The following MYO7B variants were observed in gnomAD, a reference collection of about 807,000 sequenced individuals.
The protein encoded by MYO7B is unconventional myosin-VIIb.
MYO7B carries 212 observed loss-of-function variants against 259.7 expected under a neutral mutation model. The observed-to-expected ratio is 0.82, with a 90% CI of 0.73 to 0.91. MYO7B has a LOEUF of 0.91. MYO7B is among the 40% of genes least tolerant of loss of function. The pLI, the probability that MYO7B is intolerant of heterozygous loss-of-function variation, is 0.00. For synonymous variants in MYO7B, 1,197 were observed against 1,166.4 expected (o/e 1.03, Z -0.54); for missense variants, 2,732 against 2,813.5 (o/e 0.97, Z 0.66).
At chr2:127,623,558 C>T (rs1680950057) in intron 29 of MYO7B, among the ~76,000 whole-genome samples, 183 bp downstream of exon 29, 1 of 152,172 alleles carries the variant, frequency 6.6e-6, no homozygotes, top group Admixed American at 6.5e-5. Flanking sequence ...GAGCAAACAG[C>T]CTTTCCTCCC....
rs1159208369 is a variant in MYO7B at position 127,635,062 on chromosome 2, G to T, written c.5714-58G>T. ...GGCGCAGTGTGGGGGGTGGCAGGGG[G>T]TCAGGGCTGGTGTACCTGCTGGGAC... On this transcript the variant is annotated intron_variant, in intron 42 of 47. Coordinates refer to ENST00000409816, the MANE Select transcript of MYO7B (RefSeq NM_001393586.1). 4.9e-6 allele frequency: 7 copies of T among 1,427,800 alleles called. No individual in the cohort carries two copies. The African/African-American group carries it at 8.5e-5, about 17-fold the overall frequency. The allele number at this position is 1,427,800 out of a possible 1,614,324, so 88.4% of individuals were successfully genotyped here.
rs769622643 is a variant in MYO7B, at chr2:127,612,234, C to T, written c.3193-16C>T. The T allele has an allele frequency of 1.6e-5, 10 of 615,324 alleles. No homozygotes were observed. The highest frequency in any genetic ancestry group is 2.7e-5 in the Non-Finnish European group (9 of 333,330). The allele number at this position is 615,324 out of a possible 1,614,324, so 38.1% of individuals were successfully genotyped here. ...GCCCAGGCTCACCTTCCTGCGGGAA[C>T]TGTCTCCCTCCACAGAGATCTGGCT... is the stretch of plus-strand genomic sequence containing the variant. On this transcript the variant is annotated splice_polypyrimidine_tract_variant and intron_variant, in intron 24 of 47. Transcript: ENST00000409816.
chr2:127,573,797 G>A, intron 6 of MYO7B, 123 bp from the exon 7 acceptor site: 1 of 1,294,820 alleles, frequency 7.7e-7, no homozygotes, highest in Non-Finnish European at 1.1e-6. Flanking sequence ...GTCTGGTGCA[G>A]CCGTGCCCAT....
chr2:127,584,623 G>A lies in MYO7B; in HGVS notation c.1555-155G>A, dbSNP rs1050584420. ...GCTCAGCCCTCACTCCCTGCAACAAGTCACTGACCCCTGGGCATTAGTTTC... is the reference window on the plus strand; with the variant it reads ...GCTCAGCCCTCACTCCCTGCAACAAATCACTGACCCCTGGGCATTAGTTTC... On this transcript the variant is annotated intron_variant, in intron 13 of 47. Coordinates refer to ENST00000409816, the MANE Select transcript of MYO7B (RefSeq NM_001393586.1). The surrounding 1 kb of genome is among the most constrained non-coding windows in gnomAD (Gnocchi z 5.8). Among the ~76,000 whole-genome samples, 2 of 152,004 alleles carry A rather than the reference G, an allele frequency of 1.3e-5. No individual in the cohort carries two copies. The highest frequency in any genetic ancestry group is 4.8e-5 in the African/African-American group (2 of 41,382).
rs1301395622 is a variant in MYO7B, at chr2:127,627,418, G to T, written c.4460+108G>T. The T allele has an allele frequency of 4.8e-6, 7 of 1,460,980 alleles. No homozygotes were observed. The highest frequency in any genetic ancestry group is 4.2e-5 in the African/African-American group (3 of 71,876). 90.5% of individuals were successfully genotyped at this position (1,460,980 alleles called of 1,614,324 possible). A position where few individuals can be genotyped will look rare whatever the true frequency, so the allele number is the denominator to read the frequency against. ...GGCAGTGTGCCGTCCCGGGTAACAG[G>T]CCGGGGTGGAGGGACAAGAATCTAC... On this transcript the variant is annotated intron_variant, in intron 33 of 47. Coordinates refer to ENST00000409816, the MANE Select transcript of MYO7B (RefSeq NM_001393586.1). This position sits in a 1 kb window ranked among gnomAD's most constrained non-coding sequence, Gnocchi z 5.6.
intron 1 of MYO7B, among the ~76,000 whole-genome samples, chr2:127,554,799 A>C (rs189194591): frequency 6.6e-5 from 10 of 152,056 alleles, no homozygotes; most frequent in Non-Finnish European, 1.5e-4. Flanking sequence ...ATTCTTCCTG[A>C]TTTAAATTAG....
At chr2:127,540,814 G>A (rs1692975877) in intron 1 of MYO7B, among the ~76,000 whole-genome samples, 1 of 152,194 alleles carries the variant, frequency 6.6e-6, no homozygotes, top group African/African-American at 2.4e-5. Flanking sequence ...TTTTGAAAAG[G>A]CACTGATACA....
chr2:127,554,053 A>G (rs571667579), intron 1 of MYO7B, among the ~76,000 whole-genome samples: 19 of 152,124 alleles, frequency 1.2e-4, no homozygotes, highest in Admixed American at 2.0e-4. Flanking sequence ...TATGTGGTGT[A>G]TCACATTTAT....
intron 6 of MYO7B, among the ~76,000 whole-genome samples, chr2:127,570,260 C>A (rs1177447515): frequency 6.6e-6 from 1 of 152,046 alleles, no homozygotes; most frequent in Admixed American, 6.6e-5. Flanking sequence ...AGAGTGAGGA[C>A]TGCAAGAGGT....
rs1375868578 is a variant in MYO7B, at chr2:127,607,229, G to T, written c.2448G>T (p.Leu816=). Residue 816 remains leucine, a synonymous_variant, in exon 21 of 48, where the codon CTG becomes CTT. Transcript: ENST00000409816. The surrounding 1 kb of genome is among the most constrained non-coding windows in gnomAD (Gnocchi z 4.4). ...FKLILVGFER[L]QAIARSQPLA... ...AGATCCTCGTGGGCTTTGAGCGCCT[G>T]CAGGCTATTGCCCGGAGCCAGCCGC... is the stretch of plus-strand genomic sequence containing the variant. 2 of 1,549,754 alleles carry T rather than the reference G, an allele frequency of 1.3e-6. No homozygotes were observed. Among genetic ancestry groups the T allele is most frequent in the South Asian group, 1.2e-5 (1 of 83,984 alleles).
At chr2:127,567,336 C>T (rs1399242923) in intron 5 of MYO7B, among the ~76,000 whole-genome samples, 1 of 151,854 alleles carries the variant, frequency 6.6e-6, no homozygotes. Flanking sequence ...AAACACAGGG[C>T]AGGCCTCAGG....
Position 127,635,135 on chromosome 2 carries a change from T to C in MYO7B, c.5729T>C (p.Leu1910Pro). The C allele has an allele frequency of 6.2e-7, 1 of 1,612,906 alleles. No individual in the cohort carries two copies. The highest frequency in any genetic ancestry group is 1.1e-5 in the South Asian group (1 of 90,932). Residue 1910 changes from leucine (L) to proline (P), a missense_variant, in exon 43 of 48, where the codon CTC becomes CCC. By Grantham distance (98) the Leu-to-Pro change is moderately conservative. This residue lies in a region of MYO7B where 821 missense variants were observed against 769.3 expected (regional missense o/e 1.07). Transcript: ENST00000409816. Reference sequence around the variant, plus strand: ...CCTCGCCCAGGGGCCCCCGTGACGCTCCCCTACCAGGTGTACTTCATGCGG... The same window carrying C: ...CCTCGCCCAGGGGCCCCCGTGACGCCCCCCTACCAGGTGTACTTCATGCGG... Reference protein sequence around the residue: ...KPQKEGAPVTLPYQVYFMRKL... With the variant: ...KPQKEGAPVTPPYQVYFMRKL...
rs1242466972 is a variant in MYO7B at position 127,597,879 on chromosome 2, C to T, written c.2339+1323C>T. On this transcript the variant is annotated intron_variant, in intron 19 of 47. Coordinates refer to ENST00000409816, the MANE Select transcript of MYO7B (RefSeq NM_001393586.1). This position sits in a 1 kb window ranked among gnomAD's most constrained non-coding sequence, Gnocchi z 4.8. ...TCTCAAACTCCTGGCCTCAAGTGAT[C>T]CGCCCGCCTCAGCCTCTCAAAGTGC... Among the ~76,000 whole-genome samples the T allele has an allele frequency of 5.3e-5, 8 of 152,054 alleles. No homozygotes were observed. The East Asian group carries it at 1.2e-3, about 22-fold the overall frequency.
rs769489395 is a variant in MYO7B, at chr2:127,564,316, GGCCCTGGAGCCCTCCCC to G, written c.132+57_132+73del. 1,577 of 1,446,240 alleles carry G rather than the reference GGCCCTGGAGCCCTCCCC, an allele frequency of 1.1e-3. 11 individuals carry two copies. Among genetic ancestry groups the G allele is most frequent in the Non-Finnish European group, 1.3e-3 (1,386 of 1,058,950 alleles). The allele number at this position is 1,446,240 out of a possible 1,614,324, so 89.6% of individuals were successfully genotyped here. ...GGCCCTGCCCTGCCCTCACATCCAG[GGCCCTGGAGCCCTCCCC>G]GCCCTGTGGAGCCTCTCCCCAACAC... On this transcript the variant is annotated intron_variant, in intron 3 of 47. Transcript: ENST00000409816.
chr2:127,552,886 CA>C (rs1377680389), intron 1 of MYO7B, among the ~76,000 whole-genome samples: 3 of 152,184 alleles, frequency 2.0e-5, no homozygotes, highest in African/African-American at 7.2e-5. Context: ...TAAACATTCC[CA>C]AAGCAGAGGA....
Position 127,609,742 on chromosome 2 carries a change from G to A in MYO7B, c.3024+27G>A, listed in dbSNP as rs370215370. On this transcript the variant is annotated intron_variant, in intron 23 of 47. Coordinates refer to ENST00000409816, the MANE Select transcript of MYO7B (RefSeq NM_001393586.1). This position sits in a 1 kb window ranked among gnomAD's most constrained non-coding sequence, Gnocchi z 6.9. The stretch of plus-strand genomic sequence containing the variant: ...TACCAGGGTTCACTGGCTTCTAGTG[G>A]ATCAGGCCAGCCCCGAGCCTGGGGT... The A allele has an allele frequency of 2.0e-4, 323 of 1,613,744 alleles. No individual in the cohort carries two copies. The highest frequency in any genetic ancestry group is 2.6e-4 in the Non-Finnish European group (306 of 1,179,726).
chr2:127,559,862 G>A lies in MYO7B; in HGVS notation c.18+122G>A. ...CCTATAGGAAAATACCAGAGACAGG[G>A]GAGTTTAGGAAACACGACAGATTCT... On this transcript the variant is annotated intron_variant, in intron 2 of 47. Transcript: ENST00000409816. This position sits in a 1 kb window ranked among gnomAD's most constrained non-coding sequence, Gnocchi z 4.1. The A allele has an allele frequency of 2.5e-6, 3 of 1,188,632 alleles. No homozygotes were observed. Among genetic ancestry groups the A allele is most frequent in the Non-Finnish European group, 3.8e-6 (3 of 797,846 alleles). The allele number at this position is 1,188,632 out of a possible 1,614,324, so 73.6% of individuals were successfully genotyped here.
chr2:127,591,213 T>TA (rs1390847705), intron 16 of MYO7B, among the ~76,000 whole-genome samples: 1 of 152,152 alleles, frequency 6.6e-6, no homozygotes, highest in Non-Finnish European at 1.5e-5. Context: ...AGGCTTGCCT[T>TA]ATGAAATCTA....
At chr2:127,561,936 T>C (rs1266078604) in intron 2 of MYO7B, among the ~76,000 whole-genome samples, 2 of 152,246 alleles carry the variant, frequency 1.3e-5, no homozygotes, top group Admixed American at 6.5e-5. Flanking sequence ...GGCTGGTAGA[T>C]GGCTGTCTTC....
Sources: allele counts gnomAD v4.1 joint callset (sites outside exome capture counted in the v4.1 genomes callset), GRCh38; gene constraint gnomAD v4.1.1; regional missense constraint gnomAD v4.1.1; non-coding constraint Gnocchi (gnomAD v3.1); transcripts MANE v1.5; gene names NCBI Gene and HGNC (gene_info 2026-07-23, HGNC 2026-07-21).